CPM: variants seen among roughly 807,000 people sequenced by gnomAD.
CPM encodes carboxypeptidase M.
Under a neutral mutation model 46.4 loss-of-function variants are expected in CPM, and 35 were observed. The observed-to-expected ratio is 0.75, with a 90% CI of 0.58 to 1.00. The LOEUF (loss-of-function observed/expected upper bound fraction) is 1.00, where lower values mean the gene tolerates loss of function less well. CPM is among the 50% of genes least tolerant of loss of function. CPM has a pLI of 0.00. For synonymous variants in CPM, 195 were observed against 195.3 expected (o/e 1.00, Z 0.01); for missense variants, 422 against 530.4 (o/e 0.80, Z 2.01).
intron 2 of CPM, among the ~76,000 whole-genome samples, chr12:68,916,037 T>A (rs1219509435): frequency 6.6e-6 from 1 of 152,232 alleles, no homozygotes; most frequent in African/African-American, 2.4e-5. Context: ...TCCTCTTGAA[T>A]GGCTTGTCTA....
At position 68,947,371 on chromosome 12, in the gene CPM, T is replaced by C. The variant is rs1167444253; in HGVS notation, c.-3-14531A>G. ...CAGCACTTTGGGAGGCCAAGACACA[T>C]AGATCACCTGAAATCAGGAGTTCAA... On this transcript the variant is annotated intron_variant, in intron 1 of 8. Coordinates refer to the CPM transcript ENST00000546373. Among the ~76,000 whole-genome samples the C allele has an allele frequency of 5.9e-5, 9 of 152,222 alleles. No individual in the cohort carries two copies. The East Asian group carries it at 1.4e-3, about 23-fold the overall frequency.
At chr12:68,954,821 A>G (rs1413106297) in intron 1 of CPM, among the ~76,000 whole-genome samples, 1 of 152,148 alleles carries the variant, frequency 6.6e-6, no homozygotes, top group Admixed American at 6.5e-5. Flanking sequence ...CTGCCATCTA[A>G]TTTTCAAACA....
rs762417629 is a variant in CPM, at chr12:68,932,689, T to C, written c.149A>G (p.Lys50Arg). ...GAGACGGACCCTACCTTTCACAGAT[T>C]TCCCAATACTGTGTAAGTGAGTGAC... is the stretch of plus-strand genomic sequence containing the variant. ...SSVTHLHSIG[K>R]SVKGRNLWVL... Residue 50 changes from lysine to arginine, a missense_variant, in exon 2 of 9, where the codon AAA becomes AGA. Coordinates refer to ENST00000551568, the MANE Select transcript of CPM (RefSeq NM_198320.5). 1 of 1,613,992 alleles carries C rather than the reference T, an allele frequency of 6.2e-7. No homozygotes were observed. Among genetic ancestry groups the C allele is most frequent in the South Asian group, 1.1e-5 (1 of 91,050 alleles).
At chr12:68,923,155 TA>T in intron 2 of CPM, among the ~76,000 whole-genome samples, 1 of 56,812 alleles carries the variant, frequency 1.8e-5, no homozygotes, top group South Asian at 7.0e-4. Context: ...TGGTATTTGA[TA>T]TAGAGTGTGT....
chr12:68,883,519 CT>C (rs1436056272), intron 3 of CPM, among the ~76,000 whole-genome samples: 1 of 152,190 alleles, frequency 6.6e-6, no homozygotes, highest in Non-Finnish European at 1.5e-5. Context: ...TACACTGGGA[CT>C]TTTCCCCGCT....
rs114160498 is a variant in CPM at position 68,906,285 on chromosome 12, C to A, written c.161-20396G>T. Among the ~76,000 whole-genome samples, 829 of 152,210 alleles carry A rather than the reference C, an allele frequency of 5.4e-3. 13 individuals carry two copies. The highest frequency in any genetic ancestry group is 0.019 in the African/African-American group (795 of 41,512). ...TTGTAAAAAACTGCAAACTCCTGGG[C>A]CCCATCCAGAACAGGAATCTTGAGG... On this transcript the variant is annotated intron_variant, in intron 2 of 8. Coordinates refer to ENST00000551568, the MANE Select transcript of CPM (RefSeq NM_198320.5).
At chr12:68,948,098 G>A (rs1027731410) in intron 1 of CPM, among the ~76,000 whole-genome samples, 6 of 152,162 alleles carry the variant, frequency 3.9e-5, no homozygotes, top group African/African-American at 1.4e-4. Flanking sequence ...CTACAGATGA[G>A]TTATTTTAGT....
At chr12:68,944,635 A>T (rs1206113382) in intron 1 of CPM, among the ~76,000 whole-genome samples, 1 of 152,098 alleles carries the variant, frequency 6.6e-6, no homozygotes, top group Non-Finnish European at 1.5e-5. Flanking sequence ...CTTGGCTTCA[A>T]GTCATCCGCC....
chr12:68,884,457 G>A (rs1411255338), intron 3 of CPM, among the ~76,000 whole-genome samples: 1 of 152,140 alleles, frequency 6.6e-6, no homozygotes, highest in Non-Finnish European at 1.5e-5. Context: ...GGCAGGCGGA[G>A]TGTACCATGA....
intron 7 of CPM, among the ~76,000 whole-genome samples, chr12:68,864,861 A>T (rs1319837179): frequency 2.0e-5 from 3 of 152,088 alleles, no homozygotes; most frequent in Non-Finnish European, 1.5e-5. Context: ...AAAATTGTTT[A>T]AAAAATTAGC....
intron 3 of CPM, among the ~76,000 whole-genome samples, chr12:68,883,315 G>T (rs1886277928): frequency 6.6e-6 from 1 of 152,226 alleles, no homozygotes; most frequent in Non-Finnish European, 1.5e-5. Context: ...GTTATATCCT[G>T]TATTCAGAAG....
rs150295633 is a variant in CPM at position 68,870,312 on chromosome 12, T to G, written c.519A>C (p.Ala173=). The change falls in exon 5 of 9, where the codon GCA becomes GCC. Residue 173 remains alanine (A), a synonymous_variant. Coordinates refer to ENST00000551568, the MANE Select transcript of CPM (RefSeq NM_198320.5). ...NNVSRQPETV[A]VMKWLKTETF... ...TCTCTGTTTTCAGCCACTTCATGAC[T>G]GCCACAGTTTCAGGCTGCCTTGAGA... 1.6e-5 allele frequency: 26 copies of G among 1,614,130 alleles called. No individual in the cohort carries two copies. In the African/African-American group the frequency reaches 3.2e-4, roughly 20 times the overall value.
Position 68,962,210 on chromosome 12 carries a change from A to ACAAAAC in CPM, c.-4+958_-4+959insGTTTTG, listed in dbSNP as rs71091572. On this transcript the variant is annotated intron_variant, in intron 1 of 8. Transcript: ENST00000546373. ...GCGAGACTCCATCTCAAAAAAAAAAAAAAAAAAACCAAGTGTGATAATACA... is the reference window on the plus strand; with the variant it reads ...GCGAGACTCCATCTCAAAAAAAAAAACAAAACAAAAAAAACCAAGTGTGATAATACA... Among the ~76,000 whole-genome samples, 320 of 146,042 alleles carry ACAAAAC rather than the reference A, an allele frequency of 2.2e-3. 6 individuals are homozygous for ACAAAAC. Among genetic ancestry groups the ACAAAAC allele is most frequent in the African/African-American group, 8.1e-3 (306 of 37,654 alleles).
intron 5 of CPM, chr12:68,842,718 A>T (rs556130361): frequency 5.1e-6 from 1 of 196,634 alleles, no homozygotes; most frequent in East Asian, 8.0e-5. Context: ...TTTTCTTTGC[A>T]GTAAAATATG....
intron 2 of CPM, chr12:68,912,057 G>A (rs12423628): frequency 0.067 from 10,266 of 152,182 alleles, 739 homozygotes; most frequent in African/African-American, 0.18. Flanking sequence ...GCCTAGGCTG[G>A]AGTGCAATAC....
At chr12:68,863,753 C>T (rs1885312305) in intron 7 of CPM, among the ~76,000 whole-genome samples, 1 of 152,196 alleles carries the variant, frequency 6.6e-6, no homozygotes, top group Admixed American at 6.5e-5. Context: ...CCTTCCCAGA[C>T]AAGGTGGCTC....
intron 7 of CPM, among the ~76,000 whole-genome samples, chr12:68,864,273 T>C (rs1885335866): frequency 6.6e-6 from 1 of 152,146 alleles, no homozygotes; most frequent in African/African-American, 2.4e-5. Context: ...GGTGAAACCC[T>C]GTCTCTACAA....
chr12:68,916,574 G>A (rs765449457), intron 2 of CPM, among the ~76,000 whole-genome samples: 4 of 152,096 alleles, frequency 2.6e-5, no homozygotes, highest in Non-Finnish European at 5.9e-5. Flanking sequence ...TCCCAGAAAT[G>A]ACTGTTGCAC....
chr12:68,925,380 G>A (rs1427584276), intron 2 of CPM, among the ~76,000 whole-genome samples: 1 of 152,130 alleles, frequency 6.6e-6, no homozygotes, highest in African/African-American at 2.4e-5. Flanking sequence ...CTACAAAACT[G>A]AGAATCCGGA....
Sources: allele counts gnomAD v4.1 joint callset (sites outside exome capture counted in the v4.1 genomes callset), GRCh38; gene constraint gnomAD v4.1.1; transcripts MANE v1.5; gene names NCBI Gene and HGNC (gene_info 2026-07-23, HGNC 2026-07-21).